Variants in EYA4 observed in about 807,000 individuals in gnomAD.
EYA4 encodes the protein protein phosphatase EYA4.
EYA4 carries 31 observed loss-of-function variants against 87.9 expected under a neutral mutation model. The ratio of observed to expected loss-of-function variants is 0.35; its 90% CI spans 0.27 to 0.48. The LOEUF (loss-of-function observed/expected upper bound fraction) is 0.48. EYA4 is among the 20% of genes least tolerant of loss of function. The pLI is 0.99. For synonymous variants in EYA4, 263 were observed against 270.6 expected (o/e 0.97, Z 0.28); for missense variants, 678 against 761.4 (o/e 0.89, Z 1.29).
At chr6:133,438,417 T>G in intron 3 of EYA4, among the ~76,000 whole-genome samples, 1 of 148,134 alleles carries the variant, frequency 6.8e-6, no homozygotes, top group East Asian at 2.0e-4. Context: ...TTGTATGTCG[T>G]CCAGATTGGC....
chr6:133,390,645 T>C (rs1787178174), intron 3 of EYA4, among the ~76,000 whole-genome samples: 1 of 152,228 alleles, frequency 6.6e-6, no homozygotes, highest in Admixed American at 6.5e-5. Flanking sequence ...TAGGAAAAAA[T>C]ATATACCAGT....
At chr6:133,296,037 G>A (rs1295744265) in intron 2 of EYA4, among the ~76,000 whole-genome samples, 1 of 152,190 alleles carries the variant, frequency 6.6e-6, no homozygotes, top group African/African-American at 2.4e-5. Context: ...GGAGGTCGGT[G>A]ATCAGGGAAG....
intron 2 of EYA4, among the ~76,000 whole-genome samples, chr6:133,298,033 T>TA (rs199885759): frequency 1.6e-3 from 250 of 152,284 alleles, no homozygotes; most frequent in Admixed American, 3.8e-3. Flanking sequence ...GTTGCCTTTT[T>TA]TTCTGTAAAG....
chr6:133,346,348 A>G (rs1299507558), intron 2 of EYA4, among the ~76,000 whole-genome samples: 1 of 152,164 alleles, frequency 6.6e-6, no homozygotes, highest in Non-Finnish European at 1.5e-5. Context: ...TGGACTTAGA[A>G]TGTACAGTTT....
chr6:133,423,227 G>A (rs1790373828), intron 3 of EYA4, among the ~76,000 whole-genome samples: 1 of 152,102 alleles, frequency 6.6e-6, no homozygotes, highest in Non-Finnish European at 1.5e-5. Context: ...AGATATTATA[G>A]TTTCAAATAT....
chr6:133,389,020 G>A (rs1340382550), intron 3 of EYA4, among the ~76,000 whole-genome samples: 2 of 152,092 alleles, frequency 1.3e-5, no homozygotes, highest in East Asian at 3.9e-4. Context: ...CTCCACAGAG[G>A]CTGGGACTCT....
chr6:133,343,540 A>C (rs775970266), intron 2 of EYA4, among the ~76,000 whole-genome samples: 2,050 of 146,956 alleles, frequency 0.014, 22 homozygotes, highest in Non-Finnish European at 0.023. Context: ...CAACAATACC[A>C]CCACCACCAC....
chr6:133,294,352 T>C (rs1340689003), intron 2 of EYA4, among the ~76,000 whole-genome samples: 14 of 150,548 alleles, frequency 9.3e-5, no homozygotes, highest in Non-Finnish European at 1.8e-4. Context: ...TGTTTTTTTT[T>C]TGTTTTGTTT....
intron 6 of EYA4, among the ~76,000 whole-genome samples, chr6:133,459,366 T>C (rs371694114): frequency 3.9e-5 from 6 of 152,094 alleles, no homozygotes. Context: ...TGTATATGAG[T>C]TTTTTCTGAA....
chr6:133,450,431 CAA>C, intron 5 of EYA4, among the ~76,000 whole-genome samples: 1 of 152,210 alleles, frequency 6.6e-6, no homozygotes, highest in East Asian at 1.9e-4. Context: ...TATAACAAAA[CAA>C]AAGGCAAAAG....
intron 3 of EYA4, among the ~76,000 whole-genome samples, chr6:133,406,007 C>T (rs1251776626): frequency 8.5e-6 from 1 of 118,022 alleles, no homozygotes; most frequent in African/African-American, 2.8e-5. Flanking sequence ...CTGCTAAATT[C>T]TATTATCTAT....
intron 10 of EYA4, among the ~76,000 whole-genome samples, chr6:133,467,207 G>A (rs1794928537): frequency 6.6e-6 from 1 of 152,126 alleles, no homozygotes; most frequent in Admixed American, 6.6e-5. Context: ...CTCTTCTGCA[G>A]GAATTAGTAG....
At chr6:133,331,732 G>A (rs1027469479) in intron 2 of EYA4, among the ~76,000 whole-genome samples, 7 of 152,166 alleles carry the variant, frequency 4.6e-5, no homozygotes, top group African/African-American at 1.7e-4. Context: ...AATACCTTCA[G>A]ATTTGGATTC....
In EYA4 at chr6:133,265,622, A is replaced by G. The variant is rs543281597; in HGVS notation, c.-65-9094A>G. 3.3e-5 allele frequency among the ~76,000 whole-genome samples: 5 copies of G among 152,342 alleles called. No homozygotes were observed. The East Asian group carries it at 9.7e-4, about 29-fold the overall frequency. The stretch of plus-strand genomic sequence containing the variant: ...GTAGTTTTACTTGGTTCAATAATAT[A>G]AAATCACTAGGCTCATAATATTTTA... On this transcript the variant is annotated intron_variant, in intron 1 of 19. Coordinates refer to ENST00000355286, the MANE Select transcript of EYA4 (RefSeq NM_004100.5).
At chr6:133,305,494 G>T (rs942487935) in intron 2 of EYA4, among the ~76,000 whole-genome samples, 5 of 152,158 alleles carry the variant, frequency 3.3e-5, no homozygotes, top group Admixed American at 6.5e-5. Flanking sequence ...AAATGGTAAG[G>T]AATTAATAAA....
intron 1 of EYA4, among the ~76,000 whole-genome samples, chr6:133,253,506 GACTT>G (rs751470678): frequency 6.6e-5 from 10 of 152,066 alleles, no homozygotes; most frequent in Non-Finnish European, 1.5e-4. Context: ...AATGTGGTAA[GACTT>G]ACTTATGAAC....
At chr6:133,323,510 G>A (rs777108531) in intron 2 of EYA4, among the ~76,000 whole-genome samples, 5 of 152,082 alleles carry the variant, frequency 3.3e-5, no homozygotes, top group African/African-American at 7.2e-5. Context: ...TAATCAGATC[G>A]ATTGTCAAAT....
intron 1 of EYA4, among the ~76,000 whole-genome samples, chr6:133,267,748 T>C (rs1304238289): frequency 6.6e-6 from 1 of 152,150 alleles, no homozygotes; most frequent in Non-Finnish European, 1.5e-5. Context: ...CATGATTTGT[T>C]TAATTAATCC....
At chr6:133,302,137 G>A (rs1779457797) in intron 2 of EYA4, among the ~76,000 whole-genome samples, 1 of 152,200 alleles carries the variant, frequency 6.6e-6, no homozygotes, top group Non-Finnish European at 1.5e-5. Context: ...GGAGTTCTGG[G>A]TTACGCAGTG....
Sources: allele counts gnomAD v4.1 joint callset (sites outside exome capture counted in the v4.1 genomes callset), GRCh38; gene constraint gnomAD v4.1.1; transcripts MANE v1.5; gene names NCBI Gene and HGNC (gene_info 2026-07-23, HGNC 2026-07-21).